The following FNIP1 variants were observed in gnomAD, a reference collection of about 807,000 sequenced individuals.
The protein encoded by FNIP1 is folliculin-interacting protein 1.
In FNIP1, 40 loss-of-function variants were observed where a neutral mutation model predicts 124.5. The observed-to-expected ratio is 0.32, with a 90% CI of 0.25 to 0.42. The LOEUF (loss-of-function observed/expected upper bound fraction) is 0.42. Ranked by LOEUF, FNIP1 falls within the 10% of genes least tolerant of loss-of-function variation. The pLI is 1.00. For synonymous variants in FNIP1, 472 were observed against 470.6 expected, an observed-to-expected ratio of 1.00 and a Z score of -0.04; for missense variants, 1,176 against 1,403.7, an observed-to-expected ratio of 0.84 and a Z score of 2.59.
At chr5:131,676,100 C>T (rs1226240727) in intron 13 of FNIP1, among the ~76,000 whole-genome samples, 1 of 151,556 alleles carries the variant, frequency 6.6e-6, no homozygotes, top group African/African-American at 2.4e-5. Flanking sequence ...CGGCTCACTG[C>T]AAGCTCCGCC....
chr5:131,779,081 G>A (rs1771908810), intron 1 of FNIP1, among the ~76,000 whole-genome samples: 2 of 141,974 alleles, frequency 1.4e-5, no homozygotes, highest in Non-Finnish European at 3.1e-5. Flanking sequence ...CACCAGCATG[G>A]CACATGTATA....
rs1470081351 is a variant in FNIP1 at position 131,643,959 on chromosome 5, GCTTTA to G, written c.*721_*725del. 1 of 152,328 alleles carries G rather than the reference GCTTTA, an allele frequency of 6.6e-6. No homozygotes were observed. The highest frequency in any genetic ancestry group is 1.5e-5 in the Non-Finnish European group (1 of 67,980). 9.4% of individuals were successfully genotyped at this position (152,328 alleles called of 1,614,324 possible). ...AATCTCAGCCTTAAAAAAAAGGTTG[GCTTTA>G]CTTATATTTTAGAGTGTGTGAAACA... On this transcript the variant is annotated 3_prime_UTR_variant, in exon 18 of 18. Transcript: ENST00000510461.
intron 1 of FNIP1, among the ~76,000 whole-genome samples, chr5:131,767,172 G>A (rs1771453542): frequency 6.6e-6 from 1 of 151,886 alleles, no homozygotes; most frequent in East Asian, 1.9e-4. Flanking sequence ...GGTGGCTCAC[G>A]CCTGTAATCC....
At chr5:131,744,199 A>G (rs941799418) in intron 2 of FNIP1, among the ~76,000 whole-genome samples, 1 of 152,198 alleles carries the variant, frequency 6.6e-6, no homozygotes, top group African/African-American at 2.4e-5. Flanking sequence ...AAAAACTTCA[A>G]TAAATGTTTG....
At chr5:131,722,693 A>G (rs1234077345) in intron 3 of FNIP1, among the ~76,000 whole-genome samples, 1 of 151,958 alleles carries the variant, frequency 6.6e-6, no homozygotes, top group Admixed American at 6.6e-5. Flanking sequence ...TATCAGTTTC[A>G]CATTTTTTTG....
At chr5:131,668,476 G>A (rs557510154) in intron 15 of FNIP1, among the ~76,000 whole-genome samples, 8 of 152,160 alleles carry the variant, frequency 5.3e-5, no homozygotes, top group South Asian at 2.1e-4. Flanking sequence ...ACCTGAGGTC[G>A]GAGTTCCAGA....
intron 11 of FNIP1, among the ~76,000 whole-genome samples, chr5:131,691,002 A>G (rs1161661681): frequency 6.6e-6 from 1 of 152,220 alleles, no homozygotes; most frequent in Non-Finnish European, 1.5e-5. Context: ...CCATCAGTCA[A>G]CTGAATCTAA....
chr5:131,783,492 A>C (rs1561706537), intron 1 of FNIP1, among the ~76,000 whole-genome samples: 1 of 152,028 alleles, frequency 6.6e-6, no homozygotes, highest in Non-Finnish European at 1.5e-5. Context: ...TCAATACGGG[A>C]GACTGTCCCT....
At chr5:131,686,104 T>C (rs1369385654) in intron 11 of FNIP1, among the ~76,000 whole-genome samples, 4 of 152,206 alleles carry the variant, frequency 2.6e-5, no homozygotes. Context: ...TTTTAGCTTA[T>C]CAGGATATTA....
intron 1 of FNIP1, among the ~76,000 whole-genome samples, chr5:131,791,392 A>G (rs1772401317): frequency 6.6e-6 from 1 of 152,256 alleles, no homozygotes; most frequent in Non-Finnish European, 1.5e-5. Flanking sequence ...AAGTGGGGCA[A>G]CCAGGTAGGT....
intron 1 of FNIP1, among the ~76,000 whole-genome samples, chr5:131,763,168 T>C (rs552062286): frequency 1.1e-4 from 17 of 152,282 alleles, no homozygotes; most frequent in Admixed American, 7.8e-4. Flanking sequence ...AAAGTATAAT[T>C]GGATTGTATG....
At chr5:131,657,305 C>T (rs1767225974) in intron 15 of FNIP1, among the ~76,000 whole-genome samples, 2 of 152,092 alleles carry the variant, frequency 1.3e-5, no homozygotes, top group African/African-American at 4.8e-5. Flanking sequence ...CCTGGCCCCA[C>T]CCATGCTTTA....
At position 131,671,825 on chromosome 5, in the gene FNIP1, C is replaced by A; in HGVS notation, c.2619G>T (p.Leu873Phe). The A allele has an allele frequency of 1.2e-6, 2 of 1,613,968 alleles. No individual in the cohort carries two copies. The highest frequency in any genetic ancestry group is 1.7e-6 in the Non-Finnish European group (2 of 1,180,000). Reference protein sequence around the residue: ...HCCMLEFSKILCTKNNKQNNE... With the variant: ...HCCMLEFSKIFCTKNNKQNNE... Reference sequence around the variant, plus strand: ...TGTTCTGCTTGTTATTTTTTGTACACAATATTTTTGAAAACTCTAACATAC... The same window carrying A: ...TGTTCTGCTTGTTATTTTTTGTACAAAATATTTTTGAAAACTCTAACATAC... The change falls in exon 14 of 18, where the codon TTG becomes TTT. Residue 873 changes from leucine to phenylalanine, a missense_variant. Leu to Phe is a conservative substitution (Grantham distance 22, BLOSUM62 0). Around this residue, in one of 2 missense-constraint regions of FNIP1, gnomAD observed 1,109 missense variants for 1,288.5 expected, o/e 0.86. Coordinates refer to ENST00000510461, the MANE Select transcript of FNIP1 (RefSeq NM_133372.3).
At chr5:131,745,677 C>A (rs1259920476) in intron 1 of FNIP1, among the ~76,000 whole-genome samples, 2 of 151,652 alleles carry the variant, frequency 1.3e-5, no homozygotes, top group East Asian at 3.9e-4. Context: ...GAAGTTGATC[C>A]CAGCAATTCC....
intron 3 of FNIP1, among the ~76,000 whole-genome samples, chr5:131,724,542 C>G (rs1769789938): frequency 6.6e-6 from 1 of 152,122 alleles, no homozygotes; most frequent in Admixed American, 6.5e-5. Context: ...CCTTCACCTA[C>G]TTTTTGATGG....
intron 1 of FNIP1, among the ~76,000 whole-genome samples, chr5:131,769,271 AT>A (rs2149576698): frequency 6.6e-6 from 1 of 152,368 alleles, no homozygotes; most frequent in African/African-American, 2.4e-5. Context: ...TCAAGAAGTC[AT>A]TCTAATAATT....
intron 17 of FNIP1, 53 bp downstream of exon 17, chr5:131,647,037 T>C (rs1445981226): frequency 6.7e-7 from 1 of 1,493,308 alleles, no homozygotes; most frequent in East Asian, 2.3e-5. Flanking sequence ...GAAAATTCCT[T>C]GCCTGATGAC....
chr5:131,788,747 T>C (rs1772303634), intron 1 of FNIP1, among the ~76,000 whole-genome samples: 1 of 150,250 alleles, frequency 6.7e-6, no homozygotes, highest in African/African-American at 2.4e-5. Flanking sequence ...TAAACTACAC[T>C]TTAAAGCTGT....
chr5:131,659,956 A>G (rs1259495061), intron 15 of FNIP1, among the ~76,000 whole-genome samples: 1 of 152,220 alleles, frequency 6.6e-6, no homozygotes, highest in Non-Finnish European at 1.5e-5. Flanking sequence ...CTTGTTGCTC[A>G]CATAGAAGTC....
Sources: allele counts gnomAD v4.1 joint callset (sites outside exome capture counted in the v4.1 genomes callset), GRCh38; gene constraint gnomAD v4.1.1; regional missense constraint gnomAD v4.1.1; transcripts MANE v1.5; gene names NCBI Gene and HGNC (gene_info 2026-07-23, HGNC 2026-07-21).